The following PDS5B variants were observed in gnomAD, a reference collection of about 807,000 sequenced individuals.
The protein encoded by PDS5B is sister chromatid cohesion protein PDS5 homolog B.
In PDS5B, 51 loss-of-function variants were observed where a neutral mutation model predicts 184.1. The ratio of observed to expected loss-of-function variants is 0.28; its 90% CI spans 0.22 to 0.35. The LOEUF (loss-of-function observed/expected upper bound fraction) is 0.35, where lower values mean the gene tolerates loss of function less well. Ranked by LOEUF, PDS5B falls within the 10% of genes least tolerant of loss-of-function variation. PDS5B has a pLI of 1.00. For missense variants in PDS5B, 1,180 were observed against 1,723.3 expected (o/e 0.68, Z 5.58); for synonymous variants, 566 against 569.2 (o/e 0.99, Z 0.08).
chr13:32,749,366 C>T (rs971713886), intron 24 of PDS5B, among the ~76,000 whole-genome samples: 8 of 152,270 alleles, frequency 5.3e-5, no homozygotes, highest in South Asian at 2.1e-4. Context: ...CTATGCTTTG[C>T]GCTTTAGTAC....
chr13:32,752,977 A>G (rs147363008), intron 24 of PDS5B, among the ~76,000 whole-genome samples: 1 of 152,308 alleles, frequency 6.6e-6, no homozygotes, highest in African/African-American at 2.4e-5. Flanking sequence ...AAATGTATAA[A>G]TTGGGCAGTT....
At position 32,684,256 on chromosome 13, in the gene PDS5B, C is replaced by T. The variant is rs571779640; in HGVS notation, c.1203+233C>T. Among the ~76,000 whole-genome samples the T allele has an allele frequency of 8.5e-5, 13 of 152,214 alleles. 1 individual carries two copies. The highest frequency in any genetic ancestry group is 7.2e-4 in the Admixed American group (11 of 15,294). Reference sequence around the variant, plus strand: ...TTCTAATCCTGAAGATAAGACAGCTCTTAATGGTAGTCAATGTTTATCCTG... The same window carrying T: ...TTCTAATCCTGAAGATAAGACAGCTTTTAATGGTAGTCAATGTTTATCCTG... On this transcript the variant is annotated intron_variant, in intron 11 of 34. Coordinates refer to ENST00000315596, the MANE Select transcript of PDS5B (RefSeq NM_015032.4).
At chr13:32,587,760 C>G (rs937321434) in intron 1 of PDS5B, among the ~76,000 whole-genome samples, 1 of 152,234 alleles carries the variant, frequency 6.6e-6, no homozygotes, top group Admixed American at 6.5e-5. Context: ...GAAAGTGCTT[C>G]TCGTACTTTT....
chr13:32,602,249 C>G (rs769280869), intron 1 of PDS5B, among the ~76,000 whole-genome samples: 31 of 152,244 alleles, frequency 2.0e-4, no homozygotes, highest in Admixed American at 4.6e-4. Flanking sequence ...CCCCTCCCTT[C>G]CCCTCACCCC....
At chr13:32,696,579 A>G (rs1327698778) in intron 14 of PDS5B, among the ~76,000 whole-genome samples, 1 of 151,566 alleles carries the variant, frequency 6.6e-6, no homozygotes. Flanking sequence ...CAAAATACGT[A>G]CCTGTTACAA....
chr13:32,611,146 C>A (rs931092011), intron 1 of PDS5B, among the ~76,000 whole-genome samples: 1 of 152,062 alleles, frequency 6.6e-6, no homozygotes, highest in Non-Finnish European at 1.5e-5. Flanking sequence ...TGTTTTTCAA[C>A]CTCCTTTCTA....
At chr13:32,630,907 C>T (rs2058444036) in intron 1 of PDS5B, among the ~76,000 whole-genome samples, 1 of 151,728 alleles carries the variant, frequency 6.6e-6, no homozygotes, top group African/African-American at 2.4e-5. Context: ...GCCTCAGCCT[C>T]CCGAGTAGCT....
intron 26 of PDS5B, among the ~76,000 whole-genome samples, chr13:32,757,285 C>T (rs1954216575): frequency 6.6e-6 from 1 of 152,170 alleles, no homozygotes; most frequent in South Asian, 2.1e-4. Flanking sequence ...GGTTATATTT[C>T]TAAGTAGCCC....
intron 1 of PDS5B, among the ~76,000 whole-genome samples, chr13:32,627,862 A>G (rs2058393632): frequency 6.6e-6 from 1 of 152,166 alleles, no homozygotes; most frequent in Non-Finnish European, 1.5e-5. Flanking sequence ...GTGGAGGAGA[A>G]AGTAAGAAGG....
chr13:32,771,471 T>G (rs1008301375), intron 33 of PDS5B, among the ~76,000 whole-genome samples: 2 of 152,074 alleles, frequency 1.3e-5, no homozygotes, highest in Non-Finnish European at 2.9e-5. Context: ...TGTCTTCTAT[T>G]AGTCAGAAAT....
intron 6 of PDS5B, among the ~76,000 whole-genome samples, chr13:32,664,855 AG>A (rs59502387): frequency 1 from 151,392 of 151,422 alleles, 75,681 homozygotes; most frequent in Middle Eastern, 1. Flanking sequence ...TGTCTCAAAA[AG>A]GGAAAAAGAA....
chr13:32,773,344 G>C lies in PDS5B; in HGVS notation c.4308+20G>C. The C allele has an allele frequency of 3.1e-6, 5 of 1,596,878 alleles. No individual in the cohort carries two copies. Among genetic ancestry groups the C allele is most frequent in the African/African-American group, 1.3e-5 (1 of 74,396 alleles). On this transcript the variant is annotated intron_variant, in intron 34 of 34. Transcript: ENST00000315596. ...GTAAATGTATGTGTTCAAAGTTTCTGTGAGTGGTGTGGGATATAAAAAGAG... is the reference window on the plus strand; with the variant it reads ...GTAAATGTATGTGTTCAAAGTTTCTCTGAGTGGTGTGGGATATAAAAAGAG...
intron 2 of PDS5B, 93 bp from the exon 3 acceptor site, chr13:32,651,710 TG>T (rs1950371097): frequency 1.4e-6 from 1 of 697,648 alleles, no homozygotes; most frequent in Non-Finnish European, 2.4e-6. Flanking sequence ...TATATTCATT[TG>T]AAGTTAACCT....
chr13:32,659,916 G>A (rs1294577142), intron 6 of PDS5B, among the ~76,000 whole-genome samples: 1 of 152,136 alleles, frequency 6.6e-6, no homozygotes, highest in Non-Finnish European at 1.5e-5. Flanking sequence ...TGTAGAGACT[G>A]ACATGAATAA....
intron 1 of PDS5B, among the ~76,000 whole-genome samples, chr13:32,597,606 G>T (rs544229234): frequency 1.3e-5 from 2 of 151,892 alleles, no homozygotes; most frequent in Non-Finnish European, 1.5e-5. Flanking sequence ...CCGAGGGGGG[G>T]GCGGCAGGGG....
At chr13:32,591,500 A>C (rs1211123286) in intron 1 of PDS5B, among the ~76,000 whole-genome samples, 1 of 152,186 alleles carries the variant, frequency 6.6e-6, no homozygotes, top group Non-Finnish European at 1.5e-5. Flanking sequence ...ACAGATCAAC[A>C]TAATTAAGAA....
At chr13:32,743,638 T>C (rs1400823076) in intron 23 of PDS5B, among the ~76,000 whole-genome samples, 2 of 152,126 alleles carry the variant, frequency 1.3e-5, no homozygotes, top group Non-Finnish European at 2.9e-5. Context: ...CCATCTTGTA[T>C]GTTTTGCTTA....
intron 21 of PDS5B, among the ~76,000 whole-genome samples, chr13:32,736,358 T>TATTTTACCTTA (rs893961120): frequency 6.6e-6 from 1 of 152,114 alleles, no homozygotes; most frequent in Non-Finnish European, 1.5e-5. Flanking sequence ...GAAAGATCTT[T>TATTTTACCTTA]ATTTTACCTT....
At chr13:32,673,490 G>A (rs1950988402) in intron 8 of PDS5B, 134 bp downstream of exon 8, 3 of 730,192 alleles carry the variant, frequency 4.1e-6, no homozygotes, top group South Asian at 2.1e-5. Flanking sequence ...ATTTCTTCAC[G>A]TATTTGTGCC....
Sources: allele counts gnomAD v4.1 joint callset (sites outside exome capture counted in the v4.1 genomes callset), GRCh38; gene constraint gnomAD v4.1.1; transcripts MANE v1.5; gene names NCBI Gene and HGNC (gene_info 2026-07-23, HGNC 2026-07-21).